STK3: variants seen among roughly 807,000 people sequenced by gnomAD.
STK3 encodes serine/threonine-protein kinase 3.
A neutral mutation model predicts 58.0 loss-of-function variants in STK3; 41 were observed. The observed-to-expected ratio is 0.71, with a 90% CI of 0.55 to 0.92. The LOEUF (loss-of-function observed/expected upper bound fraction) is 0.92. Ranked by LOEUF, STK3 falls within the 40% of genes least tolerant of loss-of-function variation. The pLI, the probability that STK3 is intolerant of heterozygous loss-of-function variation, is 0.00. For synonymous variants in STK3, 170 were observed against 191.0 expected (o/e 0.89, Z 0.91); for missense variants, 479 against 602.7 (o/e 0.79, Z 2.15).
intron 3 of STK3, among the ~76,000 whole-genome samples, chr8:98,404,811 A>G (rs1340301211): frequency 2.0e-5 from 3 of 152,114 alleles, no homozygotes; most frequent in African/African-American, 7.2e-5. Flanking sequence ...TGATCGCACC[A>G]CTGTACTCCA....
intron 3 of STK3, among the ~76,000 whole-genome samples, chr8:98,844,287 G>A (rs988218180): frequency 6.6e-6 from 1 of 152,158 alleles, no homozygotes; most frequent in Non-Finnish European, 1.5e-5. Context: ...CATTACATGA[G>A]AAGAAATCTT....
At chr8:98,906,102 G>C (rs1319224712) in intron 1 of STK3, among the ~76,000 whole-genome samples, 3 of 152,158 alleles carry the variant, frequency 2.0e-5, no homozygotes, top group Non-Finnish European at 4.4e-5. Context: ...AATATGTAAG[G>C]AGGCAGCTTT....
At chr8:98,358,740 T>G in the STK3 span, among the ~76,000 whole-genome samples, 1 of 152,188 alleles carries the variant, frequency 6.6e-6, no homozygotes, top group South Asian at 2.1e-4. Flanking sequence ...ATGCTATTGT[T>G]TTTTGCTGCA....
At chr8:98,870,904 C>T (rs4734417) in intron 3 of STK3, among the ~76,000 whole-genome samples, 51,660 of 152,018 alleles carry the variant, frequency 0.34, 9,087 homozygotes, top group East Asian at 0.44. Context: ...GTTTTAGTCA[C>T]GAAGTCCTTG....
At chr8:98,602,062 T>C (rs959656343) in intron 6 of STK3, 3 of 152,204 alleles carry the variant, frequency 2.0e-5, no homozygotes, top group Non-Finnish European at 2.9e-5. Flanking sequence ...AAATATAAAA[T>C]ACAAGACAAG....
intron 10 of STK3, among the ~76,000 whole-genome samples, chr8:98,490,854 T>C (rs1355564156): frequency 6.6e-6 from 1 of 152,192 alleles, no homozygotes; most frequent in Non-Finnish European, 1.5e-5. Flanking sequence ...ACTAGTCTAG[T>C]ATTTTTATCA....
intron 3 of STK3, among the ~76,000 whole-genome samples, chr8:98,762,799 A>T (rs1469882688): frequency 1.3e-5 from 2 of 152,324 alleles, no homozygotes; most frequent in East Asian, 3.9e-4. Flanking sequence ...AGTATTGCTA[A>T]CCAGCTGTTG....
At chr8:98,397,054 T>G (rs1817903121), downstream of STK3, among the ~76,000 whole-genome samples, 1 of 152,230 alleles carries the variant, frequency 6.6e-6, no homozygotes, top group South Asian at 2.1e-4. Flanking sequence ...TGACAGAGTC[T>G]GGCTCCAGAG....
intron 6 of STK3, among the ~76,000 whole-genome samples, chr8:98,671,392 C>T (rs1378421904): frequency 2.0e-5 from 3 of 152,060 alleles, no homozygotes; most frequent in African/African-American, 4.8e-5. Context: ...AATGGAAATG[C>T]CATAAATTAC....
chr8:98,711,657 A>C (rs1269148156), intron 4 of STK3, among the ~76,000 whole-genome samples: 1 of 152,198 alleles, frequency 6.6e-6, no homozygotes, highest in Non-Finnish European at 1.5e-5. Context: ...TCTATGTCTG[A>C]TTGGTGTACC....
the STK3 span, among the ~76,000 whole-genome samples, chr8:98,352,237 T>A: frequency 6.6e-6 from 1 of 151,990 alleles, no homozygotes; most frequent in Non-Finnish European, 1.5e-5. Flanking sequence ...CATTTTGGCT[T>A]CAACAACAAT....
chr8:98,624,708 G>A (rs1162694032), intron 6 of STK3, among the ~76,000 whole-genome samples: 3 of 151,990 alleles, frequency 2.0e-5, no homozygotes, highest in African/African-American at 7.2e-5. Flanking sequence ...CAAAAAATGA[G>A]CCGGGTATGG....
At chr8:98,532,325 A>G (rs1826223707) in intron 9 of STK3, among the ~76,000 whole-genome samples, 1 of 152,168 alleles carries the variant, frequency 6.6e-6, no homozygotes, top group Non-Finnish European at 1.5e-5. Flanking sequence ...GGAGAGAGAC[A>G]GAGACAAGGT....
intron 3 of STK3, among the ~76,000 whole-genome samples, chr8:98,841,282 G>A (rs1298349442): frequency 1.3e-5 from 2 of 152,184 alleles, no homozygotes; most frequent in African/African-American, 4.8e-5. Flanking sequence ...TTGGGAGGGA[G>A]GGATATGTTC....
intron 9 of STK3, 64 bp downstream of exon 9, chr8:98,547,905 T>A: frequency 1.4e-6 from 2 of 1,386,038 alleles, no homozygotes; most frequent in Non-Finnish European, 1.9e-6. Flanking sequence ...AGAACTAGCC[T>A]GGTTCCTATA....
intron 6 of STK3, among the ~76,000 whole-genome samples, chr8:98,686,488 A>G (rs939733077): frequency 6.6e-6 from 1 of 152,228 alleles, no homozygotes. Context: ...TACATGGCAG[A>G]AAATTTCAAG....
At chr8:98,352,344 G>A in the STK3 span, among the ~76,000 whole-genome samples, 1 of 152,158 alleles carries the variant, frequency 6.6e-6, no homozygotes, top group African/African-American at 2.4e-5. Context: ...AAGAGGAGGT[G>A]GGCTGTTGAC....
At chr8:98,726,392 T>C (rs918870828) in intron 4 of STK3, among the ~76,000 whole-genome samples, 6 of 152,216 alleles carry the variant, frequency 3.9e-5, no homozygotes, top group African/African-American at 1.2e-4. Flanking sequence ...TAATGAAGCG[T>C]GATGTGTATG....
intron 1 of STK3, among the ~76,000 whole-genome samples, chr8:98,789,595 T>C (rs1231600309): frequency 6.6e-6 from 1 of 151,764 alleles, no homozygotes; most frequent in Non-Finnish European, 1.5e-5. Context: ...ACCAAGGAAA[T>C]ACAAAAGATC....
Sources: allele counts gnomAD v4.1 joint callset (sites outside exome capture counted in the v4.1 genomes callset), GRCh38; gene constraint gnomAD v4.1.1; transcripts MANE v1.5; gene names NCBI Gene and HGNC (gene_info 2026-07-23, HGNC 2026-07-21).